The following KHDRBS2 variants were observed in gnomAD, a reference collection of about 807,000 sequenced individuals.
KHDRBS2 encodes the protein KH domain-containing, RNA-binding, signal transduction-associated protein 2.
Under a neutral mutation model 44.3 loss-of-function variants are expected in KHDRBS2, and 26 were observed. The observed-to-expected ratio is 0.59, with a 90% CI of 0.43 to 0.81. The LOEUF is 0.81. KHDRBS2 is among the 40% of genes least tolerant of loss of function. KHDRBS2 has a pLI of 0.00. For synonymous variants in KHDRBS2, 194 were observed against 151.1 expected (o/e 1.28, Z -2.08); for missense variants, 476 against 433.1 (o/e 1.10, Z -0.88).
At chr6:62,012,748 T>C (rs1233253568) in intron 3 of KHDRBS2, among the ~76,000 whole-genome samples, 2 of 151,992 alleles carry the variant, frequency 1.3e-5, no homozygotes, top group African/African-American at 4.8e-5. Flanking sequence ...CTCAGAGAGG[T>C]CTTTCTTGAC....
intron 6 of KHDRBS2, among the ~76,000 whole-genome samples, chr6:61,807,996 A>G (rs1036717486): frequency 6.6e-6 from 1 of 152,064 alleles, no homozygotes; most frequent in Non-Finnish European, 1.5e-5. Flanking sequence ...AACAAATTAA[A>G]TACTTTTTCA....
At chr6:61,820,348 G>A (rs986305348) in intron 6 of KHDRBS2, among the ~76,000 whole-genome samples, 4 of 151,948 alleles carry the variant, frequency 2.6e-5, no homozygotes, top group African/African-American at 9.7e-5. Flanking sequence ...ACTTCTTGAT[G>A]GATTTGATTT....
intron 2 of KHDRBS2, among the ~76,000 whole-genome samples, chr6:62,135,367 A>G (rs1584898824): frequency 6.6e-6 from 1 of 151,830 alleles, no homozygotes; most frequent in Non-Finnish European, 1.5e-5. Flanking sequence ...AGTCCATTAA[A>G]CCTCTTTTCC....
intron 3 of KHDRBS2, among the ~76,000 whole-genome samples, chr6:61,993,674 T>TA (rs58974944): frequency 0.6 from 47,304 of 79,044 alleles, 15,081 homozygotes; most frequent in Non-Finnish European, 0.69. Context: ...TATATATATA[T>TA]TTTTTTTTTT....
At chr6:61,861,319 G>C (rs1344853182) in intron 6 of KHDRBS2, among the ~76,000 whole-genome samples, 1 of 152,036 alleles carries the variant, frequency 6.6e-6, no homozygotes, top group Non-Finnish European at 1.5e-5. Context: ...TAATGCCTGG[G>C]TTTTCTTCCA....
intron 1 of KHDRBS2, among the ~76,000 whole-genome samples, chr6:62,237,815 C>A (rs1208671650): frequency 1.3e-5 from 2 of 152,000 alleles, no homozygotes; most frequent in African/African-American, 4.8e-5. Flanking sequence ...CAGAGGTGGG[C>A]AGATCACGAG....
chr6:61,894,838 G>A lies in KHDRBS2; in HGVS notation c.612-5C>T, dbSNP rs370114410. 13 of 1,608,688 alleles carry A rather than the reference G, an allele frequency of 8.1e-6. No individual in the cohort carries two copies. In the Admixed American group the frequency reaches 1.3e-4, roughly 17 times the overall value. ...GGAATGGCACCCCCACGGCCCCTAA[G>A]AGAAACAAGTCATGTATAGATGAGA... On this transcript the variant is annotated splice_polypyrimidine_tract_variant and splice_region_variant and intron_variant, in intron 5 of 8. Coordinates refer to ENST00000281156, the MANE Select transcript of KHDRBS2 (RefSeq NM_152688.4).
the KHDRBS2 span, among the ~76,000 whole-genome samples, chr6:61,638,827 A>C: frequency 6.6e-6 from 1 of 152,266 alleles, no homozygotes; most frequent in South Asian, 2.1e-4. Flanking sequence ...TGAGGTTTGC[A>C]GAGCTAATGT....
the KHDRBS2 span, among the ~76,000 whole-genome samples, chr6:61,567,529 T>A: frequency 2.3e-4 from 35 of 152,200 alleles, no homozygotes; most frequent in African/African-American, 8.4e-4. Context: ...TGGTCTTAGC[T>A]ACTCTGGAGG....
chr6:62,027,112 T>C (rs1308141063), intron 3 of KHDRBS2, among the ~76,000 whole-genome samples: 1 of 152,102 alleles, frequency 6.6e-6, no homozygotes, highest in Non-Finnish European at 1.5e-5. Context: ...CTGTTCACTT[T>C]AGAAATAAGC....
chr6:61,773,464 C>A (rs1487953496), intron 6 of KHDRBS2, among the ~76,000 whole-genome samples: 3 of 152,090 alleles, frequency 2.0e-5, no homozygotes, highest in African/African-American at 7.2e-5. Context: ...CTGTTCATAT[C>A]CTTTGCCCAC....
intron 5 of KHDRBS2, among the ~76,000 whole-genome samples, chr6:61,895,329 G>C (rs928196283): frequency 6.6e-6 from 1 of 151,860 alleles, no homozygotes; most frequent in African/African-American, 2.4e-5. Context: ...CAAAAAAAAA[G>C]GTGGCTGCAC....
intron 2 of KHDRBS2, among the ~76,000 whole-genome samples, chr6:62,149,273 T>C (rs1183419113): frequency 2.0e-5 from 3 of 152,130 alleles, no homozygotes; most frequent in Non-Finnish European, 4.4e-5. Context: ...ATACGGGCTT[T>C]TACGTACTCA....
intron 2 of KHDRBS2, among the ~76,000 whole-genome samples, chr6:62,083,533 G>C (rs892911853): frequency 1.3e-5 from 2 of 152,168 alleles, no homozygotes; most frequent in Non-Finnish European, 2.9e-5. Context: ...AACTAAAGGA[G>C]CACATTGTAA....
chr6:62,103,490 G>A (rs747855885), intron 2 of KHDRBS2, among the ~76,000 whole-genome samples: 22 of 152,306 alleles, frequency 1.4e-4, no homozygotes, highest in Middle Eastern at 3.4e-3. Flanking sequence ...GGAGCAGAGA[G>A]AGGACAGGGA....
chr6:61,723,888 A>C (rs983284829), intron 7 of KHDRBS2, among the ~76,000 whole-genome samples: 6 of 151,994 alleles, frequency 3.9e-5, no homozygotes, highest in Admixed American at 2.6e-4. Context: ...CGAAGTTGTA[A>C]ACTTGAATAT....
At chr6:61,981,371 C>T (rs927344022) in intron 3 of KHDRBS2, among the ~76,000 whole-genome samples, 2 of 151,828 alleles carry the variant, frequency 1.3e-5, no homozygotes, top group Non-Finnish European at 2.9e-5. Flanking sequence ...CATTCTGTGT[C>T]TTATCAGAAT....
At chr6:62,195,308 T>G (rs1362921522) in intron 1 of KHDRBS2, among the ~76,000 whole-genome samples, 2 of 152,208 alleles carry the variant, frequency 1.3e-5, no homozygotes. Context: ...AGTTCTAATA[T>G]TTTTGTGTGA....
intron 6 of KHDRBS2, among the ~76,000 whole-genome samples, chr6:61,868,914 C>T (rs1386321672): frequency 1.3e-5 from 2 of 152,156 alleles, no homozygotes; most frequent in Admixed American, 6.5e-5. Flanking sequence ...CTTGCTGAGC[C>T]GCTGCTCTGC....
Sources: gnomAD v4.1 joint callset for allele counts (sites outside exome capture counted in the v4.1 genomes callset) on GRCh38, gnomAD v4.1.1 for gene constraint, MANE v1.5 for transcripts, NCBI Gene and HGNC (gene_info 2026-07-23, HGNC 2026-07-21) for gene names.